The following PAQR5 variants were observed in gnomAD, a reference collection of about 807,000 sequenced individuals.
PAQR5 encodes the protein progestin and adipoQ receptor family member 5.
Under a neutral mutation model 34.5 loss-of-function variants are expected in PAQR5, and 20 were observed. That is an observed-to-expected ratio of 0.58 (90% CI 0.41 to 0.84). PAQR5 has a LOEUF of 0.84. Ranked by LOEUF, PAQR5 falls within the 40% of genes least tolerant of loss-of-function variation. The pLI is 0.00. For synonymous variants in PAQR5, 131 were observed against 155.6 expected (o/e 0.84, Z 1.18); for missense variants, 378 against 412.7 (o/e 0.92, Z 0.73).
At chr15:69,333,664 C>A (rs2415033) in intron 1 of PAQR5, among the ~76,000 whole-genome samples, 102,354 of 151,946 alleles carry the variant, frequency 0.67, 35,921 homozygotes, top group South Asian at 0.83. Flanking sequence ...TGTTGGGGAT[C>A]CAGGATCCAG....
At chr15:69,340,023 C>G (rs1033341763) in intron 2 of PAQR5, among the ~76,000 whole-genome samples, 3 of 152,138 alleles carry the variant, frequency 2.0e-5, no homozygotes, top group Non-Finnish European at 2.9e-5. Context: ...TGTGCCACCA[C>G]GCCCGGCTAA....
chr15:69,402,827 C>T (rs2056676008), intron 8 of PAQR5, among the ~76,000 whole-genome samples: 1 of 152,224 alleles, frequency 6.6e-6, no homozygotes, highest in South Asian at 2.1e-4. Context: ...GGGTTGTCCC[C>T]CAAAGCTGCC....
intron 6 of PAQR5, chr15:69,391,619 T>C (rs1312551683): frequency 6.6e-6 from 3 of 455,832 alleles, no homozygotes; most frequent in Non-Finnish European, 1.3e-5. Context: ...TTGGACCTGG[T>C]CCTTGGACCA....
chr15:69,300,080 G>A, intron 1 of PAQR5, among the ~76,000 whole-genome samples: 1 of 152,102 alleles, frequency 6.6e-6, no homozygotes. Context: ...TTCCAGAGCT[G>A]CATGGTCGCT....
At chr15:69,383,631 T>G (rs1419344704) in intron 4 of PAQR5, among the ~76,000 whole-genome samples, 4 of 104,976 alleles carry the variant, frequency 3.8e-5, no homozygotes, top group Non-Finnish European at 7.8e-5. Flanking sequence ...GGAGGGTGAG[T>G]GGCCCTCTGT....
intron 1 of PAQR5, among the ~76,000 whole-genome samples, chr15:69,325,996 C>T (rs1476964597): frequency 1.3e-5 from 2 of 152,224 alleles, no homozygotes; most frequent in African/African-American, 4.8e-5. Flanking sequence ...TTCTCTCCCT[C>T]TGAAATGTAT....
At chr15:69,313,293 G>A (rs565206927) in intron 1 of PAQR5, among the ~76,000 whole-genome samples, 4 of 152,280 alleles carry the variant, frequency 2.6e-5, no homozygotes, top group South Asian at 2.1e-4. Context: ...GAGCTGAAGC[G>A]TTTGAGACCA....
intron 3 of PAQR5, among the ~76,000 whole-genome samples, chr15:69,372,918 T>C (rs1369040161): frequency 1.3e-5 from 2 of 152,122 alleles, no homozygotes; most frequent in South Asian, 4.1e-4. Context: ...AACAAACAAA[T>C]ATATGATCTT....
chr15:69,322,718 AG>A (rs2054130991), intron 1 of PAQR5, among the ~76,000 whole-genome samples: 1 of 21,870 alleles, frequency 4.6e-5, no homozygotes, highest in African/African-American at 1.3e-4. Context: ...AAGAAGAAGA[AG>A]AAGAAGAAGA....
intron 3 of PAQR5, among the ~76,000 whole-genome samples, chr15:69,373,511 A>G (rs2055619232): frequency 2.0e-5 from 3 of 152,144 alleles, no homozygotes; most frequent in Non-Finnish European, 2.9e-5. Context: ...TGTTATTTCA[A>G]CTTTCTTACT....
At chr15:69,344,590 T>C (rs1567010917) in intron 2 of PAQR5, among the ~76,000 whole-genome samples, 1 of 152,210 alleles carries the variant, frequency 6.6e-6, no homozygotes, top group African/African-American at 2.4e-5. Context: ...TGAAAGCAAA[T>C]TGCAAACAGC....
Position 69,390,360 on chromosome 15 carries a change from A to ATTTTTT in PAQR5, c.512+582_512+587dup, listed in dbSNP as rs543005498. ...TATTTATTTATTTATTTATTTATTT[A>ATTTTTT]TTTTTTTGAGACAGGGTCTCTCTCT... On this transcript the variant is annotated intron_variant, in intron 6 of 8. Coordinates refer to ENST00000395407, the MANE Select transcript of PAQR5 (RefSeq NM_017705.4). Among the ~76,000 whole-genome samples, 33 of 135,888 alleles carry ATTTTTT rather than the reference A, an allele frequency of 2.4e-4. 2 individuals are homozygous for ATTTTTT. Among genetic ancestry groups the ATTTTTT allele is most frequent in the Non-Finnish European group, 4.2e-4 (27 of 64,088 alleles). 89.1% of individuals were successfully genotyped at this position (135,888 alleles called of 152,430 possible).
chr15:69,330,087 C>A (rs987181195), intron 1 of PAQR5, among the ~76,000 whole-genome samples: 1 of 152,190 alleles, frequency 6.6e-6, no homozygotes, highest in African/African-American at 2.4e-5. Flanking sequence ...AAGACCTGAC[C>A]TTGGTCACCC....
At chr15:69,328,422 G>T (rs2054301671) in intron 1 of PAQR5, among the ~76,000 whole-genome samples, 1 of 152,222 alleles carries the variant, frequency 6.6e-6, no homozygotes, top group South Asian at 2.1e-4. Flanking sequence ...CTGAAGTCTG[G>T]TCTCAGCCAT....
At chr15:69,337,151 T>C (rs1595869127) in intron 1 of PAQR5, among the ~76,000 whole-genome samples, 190 bp from the exon 2 acceptor site, 1 of 152,360 alleles carries the variant, frequency 6.6e-6, no homozygotes, top group Admixed American at 6.5e-5. Context: ...TAAAGATTAC[T>C]TATTTCTTTA....
At chr15:69,358,600 C>G (rs911174518) in intron 2 of PAQR5, among the ~76,000 whole-genome samples, 1 of 149,166 alleles carries the variant, frequency 6.7e-6, no homozygotes, top group Non-Finnish European at 1.5e-5. Flanking sequence ...GACTGGGTGA[C>G]CTCTAAGGCC....
intron 1 of PAQR5, among the ~76,000 whole-genome samples, chr15:69,330,460 C>T (rs975336818): frequency 6.6e-6 from 1 of 152,148 alleles, no homozygotes; most frequent in African/African-American, 2.4e-5. Flanking sequence ...CAGTTGGAGG[C>T]CACAAGATTC....
intron 1 of PAQR5, among the ~76,000 whole-genome samples, chr15:69,325,990 C>T (rs905360614): frequency 1.3e-5 from 2 of 152,194 alleles, no homozygotes; most frequent in East Asian, 3.8e-4. Context: ...CCACTTTTCT[C>T]TCCCTCTGAA....
rs982022829 is a variant in PAQR5 at position 69,405,129 on chromosome 15, A to G, written c.*1307A>G. ...TTTCTCATTTGTTGCATTACTGATTAAAGTTCAGTATTTCATGGTGTTTTC... is the reference window on the plus strand; with the variant it reads ...TTTCTCATTTGTTGCATTACTGATTGAAGTTCAGTATTTCATGGTGTTTTC... On this transcript the variant is annotated 3_prime_UTR_variant, in exon 9 of 9. Coordinates refer to ENST00000395407, the MANE Select transcript of PAQR5 (RefSeq NM_017705.4). 7.6e-6 allele frequency: 3 copies of G among 397,010 alleles called. No homozygotes were observed. The highest frequency in any genetic ancestry group is 1.3e-5 in the Non-Finnish European group (3 of 225,294). The allele number at this position is 397,010 out of a possible 1,614,324, so 24.6% of individuals were successfully genotyped here. A position where few individuals can be genotyped will look rare whatever the true frequency, so the allele number is the denominator to read the frequency against.
Sources: gnomAD v4.1 joint callset for allele counts (sites outside exome capture counted in the v4.1 genomes callset) on GRCh38, gnomAD v4.1.1 for gene constraint, MANE v1.5 for transcripts, NCBI Gene and HGNC (gene_info 2026-07-23, HGNC 2026-07-21) for gene names.